MYL4: variants seen among roughly 807,000 people sequenced by gnomAD.
MYL4 encodes atrial myosin light chain 1.
MYL4 carries 16 observed loss-of-function variants against 21.6 expected under a neutral mutation model. The ratio of observed to expected loss-of-function variants is 0.74; its 90% confidence interval spans 0.50 to 1.12. The LOEUF (loss-of-function observed/expected upper bound fraction) is 1.12, where lower values mean the gene tolerates loss of function less well. Among genes scored for constraint, MYL4 ranks in the 50% most tolerant of loss-of-function variants. The pLI, the probability that MYL4 is intolerant of heterozygous loss-of-function variation, is 0.00. For synonymous variants in MYL4, 82 were observed against 95.7 expected, an observed-to-expected ratio of 0.86 and a Z score of 0.83; for missense variants, 249 against 252.9, an observed-to-expected ratio of 0.98 and a Z score of 0.11.
upstream of MYL4, among the ~76,000 whole-genome samples, chr17:47,197,459 C>T (rs890518881): frequency 3.3e-5 from 5 of 152,110 alleles, no homozygotes; most frequent in African/African-American, 1.2e-4. Flanking sequence ...TCAGAAAATG[C>T]ATCTTGATTG....
At chr17:47,203,843 C>A (rs1303007184) in intron 1 of MYL4, among the ~76,000 whole-genome samples, 1 of 152,182 alleles carries the variant, frequency 6.6e-6, no homozygotes, top group Non-Finnish European at 1.5e-5. Flanking sequence ...ATGCTTGGCT[C>A]CCAAACTCCC....
At chr17:47,199,806 G>A (rs2149037592), upstream of MYL4, among the ~76,000 whole-genome samples, 1 of 138,658 alleles carries the variant, frequency 7.2e-6, no homozygotes, top group South Asian at 2.4e-4. Flanking sequence ...CGCCATCTCA[G>A]CTCACTGCAA....
chr17:47,223,280 T>C (rs2064870297), intron 6 of MYL4: 4 of 536,826 alleles, frequency 7.5e-6, no homozygotes, highest in Non-Finnish European at 1.3e-5. Context: ...CTCTTGCCTC[T>C]CCCAGGATCT....
the MYL4 span, among the ~76,000 whole-genome samples, chr17:47,193,328 C>T: frequency 7.0e-3 from 1,059 of 151,218 alleles, 50 homozygotes; most frequent in Admixed American, 0.066. Context: ...AGTGCAATGG[C>T]GCTATCTCGG....
At chr17:47,202,676 G>A (rs2064713820) in intron 1 of MYL4, among the ~76,000 whole-genome samples, 1 of 149,978 alleles carries the variant, frequency 6.7e-6, no homozygotes, top group South Asian at 2.3e-4. Context: ...ATTCAAAGAG[G>A]TATTGTATAA....
chr17:47,210,727 G>A (rs1252662965), intron 1 of MYL4, among the ~76,000 whole-genome samples: 2 of 60,180 alleles, frequency 3.3e-5, no homozygotes, highest in Non-Finnish European at 6.4e-5. Flanking sequence ...TCCCCGCAAG[G>A]GACAGGAACT....
chr17:47,208,454 C>A (rs1170186158), upstream of MYL4, among the ~76,000 whole-genome samples: 3 of 151,328 alleles, frequency 2.0e-5, no homozygotes, highest in African/African-American at 7.3e-5. Context: ...AACAAACAAA[C>A]AAAATAGTAT....
chr17:47,221,689 T>C lies in MYL4; in HGVS notation c.321T>C (p.Asn107=). The part of the protein sequence containing the change: ...VLGKPKPEEM[N]VKMLDFETFL... ...TACCCTGCCTGCCTGAAGAGATGAA[T>C]GTCAAGATGCTGGACTTTGAGACGT... The change falls in exon 4 of 7, where the codon AAT becomes AAC. Residue 107 remains asparagine, a synonymous_variant. Transcript: ENST00000393450. 1 of 1,613,138 alleles carries C rather than the reference T, an allele frequency of 6.2e-7. No individual in the cohort carries two copies. Among genetic ancestry groups the C allele is most frequent in the Non-Finnish European group, 8.5e-7 (1 of 1,179,394 alleles).
the MYL4 span, chr17:47,189,520 A>G: frequency 5.4e-6 from 2 of 373,012 alleles, no homozygotes; most frequent in Middle Eastern, 8.2e-4. Context: ...ACCACGCCCA[A>G]TCGGCCGTCC....
At chr17:47,196,921 G>A (rs1017247849), upstream of MYL4, among the ~76,000 whole-genome samples, 15 of 151,490 alleles carry the variant, frequency 9.9e-5, no homozygotes, top group Non-Finnish European at 1.3e-4. Context: ...ATAATATTTC[G>A]CTCTTGTTTC....
At chr17:47,206,552 G>T (rs934073699), upstream of MYL4, among the ~76,000 whole-genome samples, 1 of 152,010 alleles carries the variant, frequency 6.6e-6, no homozygotes, top group African/African-American at 2.4e-5. Flanking sequence ...TTACATACTG[G>T]GAGCTCCAGT....
downstream of MYL4, among the ~76,000 whole-genome samples, chr17:47,224,014 G>T (rs2064876064): frequency 6.6e-6 from 1 of 152,022 alleles, no homozygotes. Flanking sequence ...CTCCTCCTTT[G>T]GTCCTTGCTC....
chr17:47,203,034 C>T (rs1284419976), intron 1 of MYL4, among the ~76,000 whole-genome samples: 1 of 152,072 alleles, frequency 6.6e-6, no homozygotes, highest in African/African-American at 2.4e-5. Context: ...TCACTGCAGC[C>T]CTGCTTCCCT....
chr17:47,215,687 C>T (rs1567747419), intron 2 of MYL4, among the ~76,000 whole-genome samples: 2 of 152,224 alleles, frequency 1.3e-5, no homozygotes, highest in Non-Finnish European at 2.9e-5. Flanking sequence ...CTAGTCCATT[C>T]AGCATCCTCT....
At chr17:47,221,552 A>T (rs1000561625) in intron 3 of MYL4, 130 bp from the exon 4 acceptor site, 1 of 984,366 alleles carries the variant, frequency 1.0e-6, no homozygotes, top group African/African-American at 1.6e-5. Flanking sequence ...TAATGGGTGT[A>T]CCACCCAGAA....
chr17:47,214,856 G>A lies in MYL4; in HGVS notation c.163+1030G>A, dbSNP rs567248235. Among the ~76,000 whole-genome samples the A allele has an allele frequency of 3.9e-5, 6 of 152,096 alleles. No individual in the cohort carries two copies. In the South Asian group the frequency reaches 1.0e-3, roughly 26 times the overall value. On this transcript the variant is annotated intron_variant, in intron 2 of 6. Coordinates refer to ENST00000393450, the MANE Select transcript of MYL4 (RefSeq NM_002476.2). ...TTGGATTTAATAATATACAGTATTT[G>A]GATATCTTTTCAAAATTAACACAAA...
downstream of MYL4, among the ~76,000 whole-genome samples, chr17:47,226,479 C>G (rs2064885950): frequency 6.6e-6 from 1 of 152,248 alleles, no homozygotes; most frequent in South Asian, 2.1e-4. Flanking sequence ...TGGGGATATA[C>G]TGAACCACAC....
At chr17:47,199,895 C>G (rs2064703589), upstream of MYL4, among the ~76,000 whole-genome samples, 1 of 151,288 alleles carries the variant, frequency 6.6e-6, no homozygotes, top group Admixed American at 6.6e-5. Context: ...GCCACCATAC[C>G]TGGCTAATTT....
At chr17:47,227,196 T>C (rs2064888813), downstream of MYL4, among the ~76,000 whole-genome samples, 1 of 152,206 alleles carries the variant, frequency 6.6e-6, no homozygotes, top group Admixed American at 6.5e-5. Context: ...TGGGAACCAG[T>C]GCAACTTATT....
Sources: allele counts gnomAD v4.1 joint callset (sites outside exome capture counted in the v4.1 genomes callset), GRCh38; gene constraint gnomAD v4.1.1; transcripts MANE v1.5; gene names NCBI Gene and HGNC (gene_info 2026-07-23, HGNC 2026-07-21).